The following CYYR1 variants were observed in gnomAD, a reference collection of about 807,000 sequenced individuals.
CYYR1 encodes the protein cysteine and tyrosine-rich protein 1.
In CYYR1, 14 loss-of-function variants were observed where a neutral mutation model predicts 15.2. The ratio of observed to expected loss-of-function variants is 0.92; its 90% CI spans 0.61 to 1.44. CYYR1 has a LOEUF of 1.44. CYYR1 is among the 40% of genes most tolerant of loss of function. The pLI is 0.00. For missense variants in CYYR1, 228 were observed against 209.5 expected, an observed-to-expected ratio of 1.09 and a Z score of -0.54; for synonymous variants, 80 against 77.4, an observed-to-expected ratio of 1.03 and a Z score of -0.18.
intron 2 of CYYR1, among the ~76,000 whole-genome samples, chr21:26,553,596 T>G (rs1421735879): frequency 5.3e-5 from 8 of 152,104 alleles, no homozygotes; most frequent in Non-Finnish European, 4.4e-5. Flanking sequence ...ACTGGTAAAT[T>G]TATGGCTAGT....
At chr21:26,555,046 T>A (rs1601826369) in intron 2 of CYYR1, among the ~76,000 whole-genome samples, 1 of 152,170 alleles carries the variant, frequency 6.6e-6, no homozygotes, top group Non-Finnish European at 1.5e-5. Context: ...TGAGGCTCGG[T>A]GATATTAGGA....
At chr21:26,571,943 A>G (rs891049115) in intron 1 of CYYR1, among the ~76,000 whole-genome samples, 4 of 152,214 alleles carry the variant, frequency 2.6e-5, no homozygotes, top group Admixed American at 2.0e-4. Flanking sequence ...AGCAAGGTTG[A>G]ATGAGAAATT....
intron 2 of CYYR1, among the ~76,000 whole-genome samples, chr21:26,530,501 T>C (rs768252009): frequency 7.9e-5 from 12 of 152,166 alleles, no homozygotes; most frequent in Non-Finnish European, 1.5e-4. Context: ...CTGGGATACA[T>C]GTGCAGAACG....
At chr21:26,508,013 G>C (rs187439195) in intron 2 of CYYR1, among the ~76,000 whole-genome samples, 1 of 152,260 alleles carries the variant, frequency 6.6e-6, no homozygotes, top group East Asian at 1.9e-4. Context: ...TTGAAATAAA[G>C]TTACCTATGA....
chr21:26,492,498 C>T (rs1281017433), intron 2 of CYYR1, among the ~76,000 whole-genome samples: 4 of 152,106 alleles, frequency 2.6e-5, no homozygotes, highest in Non-Finnish European at 5.9e-5. Flanking sequence ...GTATGGTTGG[C>T]ATTATTTGAA....
intron 2 of CYYR1, among the ~76,000 whole-genome samples, chr21:26,541,834 T>G (rs1463762232): frequency 6.6e-6 from 1 of 152,060 alleles, no homozygotes; most frequent in Non-Finnish European, 1.5e-5. Context: ...AATAGAAAAA[T>G]TAAGGGTGCA....
chr21:26,506,457 G>C (rs1708326541), intron 2 of CYYR1: 1 of 152,126 alleles, frequency 6.6e-6, no homozygotes, highest in Non-Finnish European at 1.5e-5. Context: ...GGCATCCTGG[G>C]CCAAGGCTGA....
At position 26,523,980 on chromosome 21, in the gene CYYR1, C is replaced by A. The variant is rs190524830; in HGVS notation, c.176+42286G>T. ...ATAAATTTGTGGCTCAATGAATGAG[C>A]TTTTGTGAGACAGTTAGCATCCTGG... On this transcript the variant is annotated intron_variant, in intron 2 of 3. Coordinates refer to ENST00000652641, the MANE Select transcript of CYYR1 (RefSeq NM_001320768.2). Among the ~76,000 whole-genome samples, 26 of 152,222 alleles carry A rather than the reference C, an allele frequency of 1.7e-4. No individual in the cohort carries two copies. The East Asian group carries it at 4.2e-3, about 25-fold the overall frequency.
At chr21:26,483,196 C>T (rs1355242585) in intron 2 of CYYR1, among the ~76,000 whole-genome samples, 1 of 152,020 alleles carries the variant, frequency 6.6e-6, no homozygotes, top group Non-Finnish European at 1.5e-5. Flanking sequence ...ATCTCATCCT[C>T]TATTGCACTC....
intron 2 of CYYR1, among the ~76,000 whole-genome samples, chr21:26,512,806 C>T (rs141928092): frequency 2.2e-4 from 33 of 152,260 alleles, no homozygotes; most frequent in East Asian, 7.7e-4. Context: ...TACTATCAGG[C>T]TAGATAAAAC....
intron 2 of CYYR1, among the ~76,000 whole-genome samples, chr21:26,502,627 T>A (rs1325850400): frequency 6.6e-6 from 1 of 152,154 alleles, no homozygotes; most frequent in Non-Finnish European, 1.5e-5. Context: ...AAGGGCAAGA[T>A]ATGACAGTGT....
At chr21:26,569,938 T>C (rs1034952034) in intron 1 of CYYR1, among the ~76,000 whole-genome samples, 7 of 152,224 alleles carry the variant, frequency 4.6e-5, no homozygotes, top group Admixed American at 1.3e-4. Flanking sequence ...ATTGTTTTTA[T>C]GGCATTTTCC....
chr21:26,482,389 G>A (rs2065193483), intron 2 of CYYR1: 2 of 985,054 alleles, frequency 2.0e-6, no homozygotes, highest in Admixed American at 1.2e-4. Context: ...CTCAAACATA[G>A]TAAAATAGCT....
chr21:26,521,466 T>G (rs2065803475), intron 2 of CYYR1, among the ~76,000 whole-genome samples: 1 of 152,254 alleles, frequency 6.6e-6, no homozygotes, highest in African/African-American at 2.4e-5. Context: ...GGTGGTATGC[T>G]GAATGGACAT....
chr21:26,480,499 C>T, intron 2 of CYYR1, 70 bp from the exon 3 acceptor site: 1 of 1,442,958 alleles, frequency 6.9e-7, no homozygotes, highest in Non-Finnish European at 9.4e-7. Flanking sequence ...AGTAGAGCTC[C>T]ATGATTATAG....
chr21:26,501,597 A>C (rs181752316), intron 2 of CYYR1, among the ~76,000 whole-genome samples: 6 of 152,310 alleles, frequency 3.9e-5, no homozygotes, highest in African/African-American at 7.2e-5. Context: ...AATTGAAAAG[A>C]CTTTTCTATT....
intron 2 of CYYR1, among the ~76,000 whole-genome samples, chr21:26,526,551 G>A (rs1687745220): frequency 6.6e-6 from 1 of 152,118 alleles, no homozygotes; most frequent in Admixed American, 6.5e-5. Context: ...TCCATGTTAA[G>A]ATTATGACAA....
intron 1 of CYYR1, chr21:26,568,562 T>C (rs1347519534): frequency 2.0e-5 from 3 of 152,344 alleles, no homozygotes; most frequent in East Asian, 1.9e-4. Flanking sequence ...GGAAGGAATT[T>C]ATAACTAAGT....
At chr21:26,517,454 T>C (rs1601781793) in intron 2 of CYYR1, among the ~76,000 whole-genome samples, 1 of 152,150 alleles carries the variant, frequency 6.6e-6, no homozygotes, top group East Asian at 1.9e-4. Context: ...TTGAAAAAAA[T>C]AATTCCTCCT....
Sources: allele counts gnomAD v4.1 joint callset (sites outside exome capture counted in the v4.1 genomes callset), GRCh38; gene constraint gnomAD v4.1.1; transcripts MANE v1.5; gene names NCBI Gene and HGNC (gene_info 2026-07-23, HGNC 2026-07-21).